Variants in LIMS1 observed in about 807,000 individuals in gnomAD.
The protein encoded by LIMS1 is LIM and senescent cell antigen-like-containing domain protein 1.
In LIMS1, 18 loss-of-function variants were observed where a neutral mutation model predicts 44.1. The observed-to-expected ratio is 0.41, with a 90% CI of 0.28 to 0.61. LIMS1 has a LOEUF of 0.61. Ranked by LOEUF, LIMS1 falls within the 20% of genes least tolerant of loss-of-function variation. LIMS1 has a pLI of 0.32. For missense variants in LIMS1, 201 were observed against 422.0 expected (o/e 0.48, Z 4.59); for synonymous variants, 93 against 149.1 (o/e 0.62, Z 2.74).
chr2:108,609,804 T>C (rs1687486476), intron 1 of LIMS1, among the ~76,000 whole-genome samples: 1 of 152,126 alleles, frequency 6.6e-6, no homozygotes, highest in African/African-American at 2.4e-5. Context: ...TTAAGGAAGT[T>C]ATGCTTGTTT....
At chr2:108,675,047 A>C (rs537485855) in intron 5 of LIMS1, among the ~76,000 whole-genome samples, 2 of 152,122 alleles carry the variant, frequency 1.3e-5, no homozygotes, top group Non-Finnish European at 2.9e-5. Context: ...AAATAAACCT[A>C]TTAACCTATA....
At chr2:108,656,186 A>G (rs62151360) in intron 1 of LIMS1, among the ~76,000 whole-genome samples, 50,195 of 137,374 alleles carry the variant, frequency 0.37, 9,236 homozygotes, top group East Asian at 0.85. Context: ...GGACCAAACA[A>G]TTTGTTTTGC....
rs1692534978 is a variant in LIMS1, at chr2:108,676,043, G to T, written c.681+15G>T. The T allele has an allele frequency of 6.2e-7, 1 of 1,605,514 alleles. No homozygotes were observed. The highest frequency in any genetic ancestry group is 1.1e-5 in the South Asian group (1 of 90,118). ...GGCATGTGGAGGTGAGTTCTAAATGGCAAAGGGTAACCAATCCTTTCAAAT... is the reference window on the plus strand; with the variant it reads ...GGCATGTGGAGGTGAGTTCTAAATGTCAAAGGGTAACCAATCCTTTCAAAT... On this transcript the variant is annotated intron_variant, in intron 6 of 9. Transcript: ENST00000544547.
chr2:108,594,770 C>T (rs1686581231), intron 1 of LIMS1, among the ~76,000 whole-genome samples: 1 of 152,128 alleles, frequency 6.6e-6, no homozygotes, highest in Non-Finnish European at 1.5e-5. Flanking sequence ...ATCATGTCAT[C>T]AGCATTTTAA....
chr2:108,682,841 T>G (rs1486948993), intron 9 of LIMS1, among the ~76,000 whole-genome samples: 1 of 152,230 alleles, frequency 6.6e-6, no homozygotes, highest in Non-Finnish European at 1.5e-5. Context: ...CTAGATTTAT[T>G]TCACAAATGC....
rs559214628 is a variant in LIMS1, at chr2:108,542,303, G to A, written c.32+7709G>A. 5.9e-5 allele frequency among the ~76,000 whole-genome samples: 9 copies of A among 152,242 alleles called. No individual in the cohort carries two copies. The South Asian group carries it at 1.2e-3, about 21-fold the overall frequency. On this transcript the variant is annotated intron_variant, in intron 1 of 9. Coordinates refer to ENST00000544547, the Ensembl canonical transcript of LIMS1. ...TCCTAGGCCACTGTTTTGGAAACTC[G>A]GTTAGTCATAACCACCTTCTCTTAA...
chr2:108,567,036 C>G (rs1685316123), intron 1 of LIMS1, among the ~76,000 whole-genome samples: 1 of 152,198 alleles, frequency 6.6e-6, no homozygotes, highest in Non-Finnish European at 1.5e-5. Flanking sequence ...TTATCCCCAG[C>G]TCCTGGCAAC....
chr2:108,574,466 C>T (rs570867469), intron 1 of LIMS1, among the ~76,000 whole-genome samples: 4 of 152,250 alleles, frequency 2.6e-5, no homozygotes, highest in East Asian at 1.9e-4. Flanking sequence ...CTGCAAACTC[C>T]GAGAGCTCTG....
At chr2:108,668,911 T>C (rs999500915) in intron 2 of LIMS1, among the ~76,000 whole-genome samples, 4 of 152,218 alleles carry the variant, frequency 2.6e-5, no homozygotes, top group Non-Finnish European at 5.9e-5. Flanking sequence ...CATATCAATT[T>C]ATTCTCTTCT....
At chr2:108,645,558 A>T (rs1281286867) in intron 1 of LIMS1, among the ~76,000 whole-genome samples, 1 of 152,226 alleles carries the variant, frequency 6.6e-6, no homozygotes, top group African/African-American at 2.4e-5. Context: ...TGTAAAGACT[A>T]TCAATGCTGT....
At chr2:108,612,538 C>A (rs1216097680) in intron 1 of LIMS1, among the ~76,000 whole-genome samples, 1 of 151,618 alleles carries the variant, frequency 6.6e-6, no homozygotes, top group East Asian at 1.9e-4. Flanking sequence ...GAAATAAAGT[C>A]TTTTGGGTAA....
At chr2:108,582,031 T>A (rs1447675353) in intron 1 of LIMS1, among the ~76,000 whole-genome samples, 1 of 152,236 alleles carries the variant, frequency 6.6e-6, no homozygotes, top group African/African-American at 2.4e-5. Context: ...GTTGGGGACT[T>A]CTTTGATTAA....
rs372664468 is a variant in LIMS1 at position 108,644,332 on chromosome 2, G to T, written c.33-15273G>T. Among the ~76,000 whole-genome samples, 17 of 152,266 alleles carry T rather than the reference G, an allele frequency of 1.1e-4. No individual in the cohort carries two copies. The East Asian group carries it at 1.5e-3, about 14-fold the overall frequency. ...GAAGGAACAACAGCCTGCAGCCCCC[G>T]CCAGTGATACCCAGGCAAACAGGGT... On this transcript the variant is annotated intron_variant, in intron 1 of 9. Coordinates refer to ENST00000544547, the Ensembl canonical transcript of LIMS1.
chr2:108,681,727 C>A, intron 9 of LIMS1: 1 of 310,790 alleles, frequency 3.2e-6, no homozygotes, highest in Non-Finnish European at 4.7e-6. Flanking sequence ...TTGAGACCAG[C>A]CTGGACTACA....
chr2:108,540,590 CATG>C (rs1327166303), intron 1 of LIMS1, among the ~76,000 whole-genome samples: 2 of 152,190 alleles, frequency 1.3e-5, no homozygotes, highest in Non-Finnish European at 1.5e-5. Flanking sequence ...AAAAGACAAT[CATG>C]GTGACATGAA....
chr2:108,597,131 A>G (rs1341054813), intron 1 of LIMS1, among the ~76,000 whole-genome samples: 3 of 150,902 alleles, frequency 2.0e-5, no homozygotes, highest in African/African-American at 7.3e-5. Flanking sequence ...CTGATCTCGA[A>G]CTCCTGACCT....
At chr2:108,627,134 G>T (rs929071526) in intron 1 of LIMS1, among the ~76,000 whole-genome samples, 1 of 152,164 alleles carries the variant, frequency 6.6e-6, no homozygotes, top group African/African-American at 2.4e-5. Flanking sequence ...GGAGCAACAG[G>T]CTATACCACG....
Position 108,576,333 on chromosome 2 carries a change from G to A in LIMS1, c.32+41739G>A, listed in dbSNP as rs1467448874. 2.6e-5 allele frequency among the ~76,000 whole-genome samples: 4 copies of A among 152,074 alleles called. No individual in the cohort carries two copies. The East Asian group carries it at 7.7e-4, about 29-fold the overall frequency. On this transcript the variant is annotated intron_variant, in intron 1 of 9. Transcript: ENST00000544547. The stretch of plus-strand genomic sequence containing the variant: ...TTGCCCAGGCTGGTCTTGATCCTGG[G>A]CTCAAGCAATCCTCCTGCCTCAGCC...
intron 1 of LIMS1, among the ~76,000 whole-genome samples, chr2:108,566,745 C>T (rs927643122): frequency 6.6e-6 from 1 of 152,036 alleles, no homozygotes; most frequent in Non-Finnish European, 1.5e-5. Context: ...TACAGATGCC[C>T]AGCACCATGC....
Sources: gnomAD v4.1 joint callset for allele counts (sites outside exome capture counted in the v4.1 genomes callset) on GRCh38, gnomAD v4.1.1 for gene constraint, MANE v1.5 for transcripts, NCBI Gene and HGNC (gene_info 2026-07-23, HGNC 2026-07-21) for gene names.